The following AGPAT3 variants were observed in gnomAD, a reference collection of about 807,000 sequenced individuals.
AGPAT3 encodes 1-acyl-sn-glycerol-3-phosphate acyltransferase gamma.
AGPAT3 carries 5 observed loss-of-function variants against 47.3 expected under a neutral mutation model. That is an observed-to-expected ratio of 0.11 (90% confidence interval 0.06 to 0.22). The LOEUF is 0.22. Ranked by LOEUF, AGPAT3 falls within the 10% of genes least tolerant of loss-of-function variation. The pLI, the probability that AGPAT3 is intolerant of heterozygous loss-of-function variation, is 1.00. For synonymous variants in AGPAT3, 212 were observed against 208.3 expected (o/e 1.02, Z -0.15); for missense variants, 315 against 493.0 (o/e 0.64, Z 3.42).
intron 1 of AGPAT3, among the ~76,000 whole-genome samples, chr21:43,888,595 G>A (rs1416507169): frequency 1.3e-5 from 2 of 152,170 alleles, no homozygotes; most frequent in African/African-American, 4.8e-5. Context: ...AAATGGTAAG[G>A]TCAATCAATA....
At chr21:43,926,618 T>G (rs2087060480) in intron 2 of AGPAT3, among the ~76,000 whole-genome samples, 2 of 144,754 alleles carry the variant, frequency 1.4e-5, no homozygotes, top group Admixed American at 1.4e-4. Context: ...TGGGGTAGCT[T>G]CCGTGAGCTA....
chr21:43,917,891 TAG>T (rs2146149483), intron 2 of AGPAT3, among the ~76,000 whole-genome samples: 1 of 84,304 alleles, frequency 1.2e-5, no homozygotes, highest in Non-Finnish European at 2.2e-5. Context: ...GTGGGGGTTG[TAG>T]GGGTTGCGGG....
At chr21:43,874,215 A>G (rs2085685654) in intron 1 of AGPAT3, among the ~76,000 whole-genome samples, 1 of 151,742 alleles carries the variant, frequency 6.6e-6, no homozygotes, top group African/African-American at 2.4e-5. Flanking sequence ...TAGTAGAGAC[A>G]GGGTTTCACC....
At chr21:43,900,967 C>T (rs1377892669) in intron 1 of AGPAT3, among the ~76,000 whole-genome samples, 1 of 152,144 alleles carries the variant, frequency 6.6e-6, no homozygotes, top group African/African-American at 2.4e-5. Context: ...GCAAAAGTGA[C>T]TGCCATACAG....
intron 2 of AGPAT3, among the ~76,000 whole-genome samples, chr21:43,941,254 C>T (rs1036265956): frequency 3.9e-5 from 6 of 152,232 alleles, no homozygotes; most frequent in African/African-American, 1.4e-4. Context: ...CCAGGAGCTG[C>T]TTCTCTCTGA....
At chr21:43,968,178 AGCGGG>A (rs2089227101) in intron 4 of AGPAT3, 63 bp downstream of exon 4, 1 of 1,076,318 alleles carries the variant, frequency 9.3e-7, no homozygotes, top group African/African-American at 2.3e-5. Flanking sequence ...GCCGGGGGTG[AGCGGG>A]GACCCAGGGA....
At position 43,983,769 on chromosome 21, in the gene AGPAT3, G is replaced by C. The variant is rs1015707581; in HGVS notation, c.*1377G>C. The stretch of plus-strand genomic sequence containing the variant: ...ATCAGCCCACCTGCATTTGGCTTTC[G>C]ACTTGCTTGTTCTAAGTCACAGCGC... On this transcript the variant is annotated 3_prime_UTR_variant, in exon 10 of 10. Transcript: ENST00000291572. The C allele has an allele frequency of 6.6e-6, 1 of 152,228 alleles. No homozygotes were observed. Among genetic ancestry groups the C allele is most frequent in the Admixed American group, 6.5e-5 (1 of 15,282 alleles). 9.4% of individuals were successfully genotyped at this position (152,228 alleles called of 1,614,324 possible).
chr21:43,876,504 A>T (rs928360266), intron 1 of AGPAT3, among the ~76,000 whole-genome samples: 1 of 152,204 alleles, frequency 6.6e-6, no homozygotes, highest in Admixed American at 6.5e-5. Context: ...ATCTAGAATT[A>T]CTTTAGGCTG....
chr21:43,880,037 C>T lies in AGPAT3; in HGVS notation c.-112+14692C>T, dbSNP rs1404907542. Among the ~76,000 whole-genome samples, 2 of 152,250 alleles carry T rather than the reference C, an allele frequency of 1.3e-5. No individual in the cohort carries two copies. Among genetic ancestry groups the T allele is most frequent in the African/African-American group, 4.8e-5 (2 of 41,466 alleles). Reference sequence around the variant, plus strand: ...ATTCTTGAAGAACAGGGCAGCATGACTCCGGGGCGGAGGACGCAGCCCTGC... The same window carrying T: ...ATTCTTGAAGAACAGGGCAGCATGATTCCGGGGCGGAGGACGCAGCCCTGC... On this transcript the variant is annotated intron_variant, in intron 1 of 9. Transcript: ENST00000291572. The surrounding 1 kb of genome is among the most constrained non-coding windows in gnomAD (Gnocchi z 4.5).
rs1050716886 is a variant in AGPAT3, at chr21:43,896,794, C to T, written c.-111-7163C>T. On this transcript the variant is annotated intron_variant, in intron 1 of 9. Coordinates refer to ENST00000291572, the MANE Select transcript of AGPAT3 (RefSeq NM_020132.5). ...CAGACTTTGTCTGGAATTAATATAG[C>T]GGCACCAGCTGCCTTTTGTTTACTG... Among the ~76,000 whole-genome samples the T allele has an allele frequency of 4.6e-5, 7 of 152,188 alleles. No individual in the cohort carries two copies. In the East Asian group the frequency reaches 9.6e-4, roughly 21 times the overall value.
intron 2 of AGPAT3, among the ~76,000 whole-genome samples, chr21:43,937,483 G>A (rs1200891093): frequency 6.6e-6 from 1 of 152,230 alleles, no homozygotes; most frequent in Non-Finnish European, 1.5e-5. Flanking sequence ...TCTCCTTGAG[G>A]TGACATCGTG....
At chr21:43,945,246 C>T (rs1285180769) in intron 2 of AGPAT3, among the ~76,000 whole-genome samples, 2 of 152,258 alleles carry the variant, frequency 1.3e-5, no homozygotes, top group South Asian at 2.1e-4. Context: ...AGGGTCATCC[C>T]GGGGTCGCAC....
intron 1 of AGPAT3, among the ~76,000 whole-genome samples, chr21:43,898,184 A>C (rs910499968): frequency 6.6e-6 from 1 of 152,200 alleles, no homozygotes; most frequent in African/African-American, 2.4e-5. Flanking sequence ...CAACTAAAAA[A>C]ATTTAACTGG....
intron 2 of AGPAT3, among the ~76,000 whole-genome samples, chr21:43,943,044 G>T (rs996895281): frequency 2.0e-5 from 3 of 152,206 alleles, no homozygotes; most frequent in African/African-American, 7.2e-5. Flanking sequence ...CAGGGTGCAT[G>T]GTCATGCTGG....
At chr21:43,895,193 C>G (rs932153125) in intron 1 of AGPAT3, among the ~76,000 whole-genome samples, 3 of 151,940 alleles carry the variant, frequency 2.0e-5, no homozygotes, top group Non-Finnish European at 4.4e-5. Context: ...CAACCTCCAC[C>G]TCTTGGGTTC....
At chr21:43,956,302 G>A (rs1046152762) in intron 2 of AGPAT3, among the ~76,000 whole-genome samples, 2 of 152,242 alleles carry the variant, frequency 1.3e-5, no homozygotes, top group African/African-American at 4.8e-5. Context: ...GTGTCTGGGC[G>A]AGCACTGACT....
At chr21:43,961,657 T>TGGTGAGCGCATA in intron 3 of AGPAT3, among the ~76,000 whole-genome samples, 1 of 136,826 alleles carries the variant, frequency 7.3e-6, no homozygotes, top group Non-Finnish European at 1.7e-5. Flanking sequence ...CTTTGTCTCA[T>TGGTGAGCGCATA]GTGGGAAATG....
rs749333123 is a variant in AGPAT3 at position 43,934,131 on chromosome 21, A to C, written c.-48-25503A>C. Among the ~76,000 whole-genome samples, 2 of 152,210 alleles carry C rather than the reference A, an allele frequency of 1.3e-5. No homozygotes were observed. Among genetic ancestry groups the C allele is most frequent in the Non-Finnish European group, 1.5e-5 (1 of 68,016 alleles). The stretch of plus-strand genomic sequence containing the variant: ...TTTTGAGACCTGGATGCTGGAGAAC[A>C]GGCAGACATGGGTGCCCGGCACGCC... On this transcript the variant is annotated intron_variant, in intron 2 of 9. Coordinates refer to ENST00000291572, the MANE Select transcript of AGPAT3 (RefSeq NM_020132.5). This position sits in a 1 kb window ranked among gnomAD's most constrained non-coding sequence, Gnocchi z 4.7.
At chr21:43,868,530 G>A (rs552018194) in intron 1 of AGPAT3, among the ~76,000 whole-genome samples, 2 of 152,094 alleles carry the variant, frequency 1.3e-5, no homozygotes, top group Non-Finnish European at 2.9e-5. Context: ...TTCTGAAAGC[G>A]GGTAGAGAAT....
Sources: gnomAD v4.1 joint callset for allele counts (sites outside exome capture counted in the v4.1 genomes callset) on GRCh38, gnomAD v4.1.1 for gene constraint, Gnocchi (gnomAD v3.1) non-coding constraint, MANE v1.5 for transcripts, NCBI Gene and HGNC (gene_info 2026-07-23, HGNC 2026-07-21) for gene names.